The following SHISA9 variants were observed in gnomAD, a reference collection of about 807,000 sequenced individuals.
SHISA9 encodes the protein shisa family member 9.
In SHISA9, 13 loss-of-function variants were observed where a neutral mutation model predicts 38.0. That is an observed-to-expected ratio of 0.34 (90% CI 0.22 to 0.54). The LOEUF is 0.54. Ranked by LOEUF, SHISA9 falls within the 20% of genes least tolerant of loss-of-function variation. SHISA9 has a pLI of 0.91. For missense variants in SHISA9, 538 were observed against 575.8 expected (o/e 0.93, Z 0.67); for synonymous variants, 275 against 242.0 (o/e 1.14, Z -1.27).
intron 2 of SHISA9, among the ~76,000 whole-genome samples, chr16:13,110,685 A>G (rs1305379006): frequency 6.6e-6 from 1 of 152,240 alleles, no homozygotes; most frequent in Non-Finnish European, 1.5e-5. Flanking sequence ...TCAGCCAGCC[A>G]AAGAGCTGTG....
the SHISA9 span, among the ~76,000 whole-genome samples, chr16:13,484,010 C>A: frequency 1.3e-5 from 2 of 152,140 alleles, no homozygotes; most frequent in African/African-American, 4.8e-5. Flanking sequence ...ATTTCAGAGG[C>A]CTGGGCTCAC....
rs1034314553 is a variant in SHISA9, at chr16:13,108,190, C to T, written c.692-95204C>T. ...GTCACCCAAGCTGGAGTGCAGTGTC[C>T]TGACCACGCCTCACTGAAGTCTTGA... On this transcript the variant is annotated intron_variant, in intron 2 of 4. Transcript: ENST00000558583. Among the ~76,000 whole-genome samples, 5 of 151,814 alleles carry T rather than the reference C, an allele frequency of 3.3e-5. No individual in the cohort carries two copies. In the East Asian group the frequency reaches 7.8e-4, roughly 24 times the overall value.
chr16:13,553,473 C>A, the SHISA9 span, among the ~76,000 whole-genome samples: 1 of 152,126 alleles, frequency 6.6e-6, no homozygotes, highest in Non-Finnish European at 1.5e-5. Context: ...AGAGGCCCAC[C>A]TAGCAAAAAG....
At chr16:13,463,777 A>G in the SHISA9 span, among the ~76,000 whole-genome samples, 2 of 152,208 alleles carry the variant, frequency 1.3e-5, no homozygotes, top group Admixed American at 6.5e-5. Context: ...GCAGGCAAAG[A>G]ATTGATTCCC....
the SHISA9 span, among the ~76,000 whole-genome samples, chr16:13,438,922 G>T: frequency 6.6e-6 from 1 of 152,170 alleles, no homozygotes; most frequent in Non-Finnish European, 1.5e-5. Context: ...TAGAAAAAGT[G>T]ACCCTAAAAG....
chr16:12,986,233 T>C (rs1294676474), intron 2 of SHISA9, among the ~76,000 whole-genome samples: 1 of 152,240 alleles, frequency 6.6e-6, no homozygotes, highest in Non-Finnish European at 1.5e-5. Context: ...TATTAAAATA[T>C]TGAAATACTT....
At chr16:13,286,545 T>G in the SHISA9 span, among the ~76,000 whole-genome samples, 1 of 152,190 alleles carries the variant, frequency 6.6e-6, no homozygotes, top group East Asian at 1.9e-4. Flanking sequence ...ACAGCCAGTT[T>G]GTTTGTTCCA....
chr16:13,416,779 G>T, the SHISA9 span, among the ~76,000 whole-genome samples: 1 of 125,174 alleles, frequency 8.0e-6, no homozygotes, highest in Non-Finnish European at 1.7e-5. Flanking sequence ...AGGAAGGGAA[G>T]GAAGGAAGGA....
At chr16:13,479,331 C>T in the SHISA9 span, among the ~76,000 whole-genome samples, 1 of 152,160 alleles carries the variant, frequency 6.6e-6, no homozygotes, top group Non-Finnish European at 1.5e-5. Flanking sequence ...GTAGCATATT[C>T]ATAGGTCTGG....
At chr16:13,206,454 A>G (rs763723251) in intron 3 of SHISA9, among the ~76,000 whole-genome samples, 12 of 152,264 alleles carry the variant, frequency 7.9e-5, no homozygotes, top group South Asian at 4.1e-4. Flanking sequence ...TGACACAACC[A>G]TGTGTCTAAG....
the SHISA9 span, among the ~76,000 whole-genome samples, chr16:13,360,430 G>A: frequency 1.3e-5 from 2 of 152,104 alleles, no homozygotes; most frequent in African/African-American, 2.4e-5. Context: ...ATTGAATCAT[G>A]GGGGCGGTTT....
At chr16:13,437,976 C>T in the SHISA9 span, among the ~76,000 whole-genome samples, 4 of 136,858 alleles carry the variant, frequency 2.9e-5, no homozygotes, top group Non-Finnish European at 6.4e-5. Context: ...AGCCATTTTC[C>T]CGTCTCAGCC....
chr16:13,469,298 AAGACAG>A, the SHISA9 span, among the ~76,000 whole-genome samples: 53 of 91,550 alleles, frequency 5.8e-4, no homozygotes, highest in East Asian at 4.6e-3. Flanking sequence ...GAGAGAAAGA[AAGACAG>A]AGAGAGAGAG....
intron 2 of SHISA9, among the ~76,000 whole-genome samples, chr16:12,963,245 G>T (rs751078706): frequency 1.3e-5 from 2 of 152,226 alleles, no homozygotes; most frequent in Non-Finnish European, 2.9e-5. Flanking sequence ...TGGGAATGGT[G>T]AGGACATGGA....
intron 2 of SHISA9, among the ~76,000 whole-genome samples, chr16:13,006,946 T>C (rs1210595476): frequency 6.6e-6 from 1 of 152,200 alleles, no homozygotes; most frequent in Non-Finnish European, 1.5e-5. Flanking sequence ...TGTGGGTATC[T>C]TCAGCTCTCT....
At chr16:13,250,817 A>C in the SHISA9 span, among the ~76,000 whole-genome samples, 1 of 152,172 alleles carries the variant, frequency 6.6e-6, no homozygotes, top group Non-Finnish European at 1.5e-5. Context: ...GCTGCTGCAG[A>C]TGGTGAGGCA....
chr16:13,413,111 A>C, the SHISA9 span, among the ~76,000 whole-genome samples: 2 of 152,192 alleles, frequency 1.3e-5, no homozygotes, highest in Admixed American at 1.3e-4. Context: ...CACAAAGGAA[A>C]TATTTAATCT....
the SHISA9 span, among the ~76,000 whole-genome samples, chr16:13,290,200 A>T: frequency 1.3e-5 from 2 of 152,192 alleles, no homozygotes; most frequent in Non-Finnish European, 2.9e-5. Context: ...TACATGTAGC[A>T]ATAATGTTGA....
At chr16:12,925,084 G>A (rs753343225) in intron 2 of SHISA9, among the ~76,000 whole-genome samples, 4 of 152,116 alleles carry the variant, frequency 2.6e-5, no homozygotes, top group Non-Finnish European at 5.9e-5. Context: ...GATACAAATC[G>A]GCATGAATTC....
Sources: gnomAD v4.1 joint callset for allele counts (sites outside exome capture counted in the v4.1 genomes callset) on GRCh38, gnomAD v4.1.1 for gene constraint, MANE v1.5 for transcripts, NCBI Gene and HGNC (gene_info 2026-07-23, HGNC 2026-07-21) for gene names.